DOCK5: variants seen among roughly 807,000 people sequenced by gnomAD.
The protein encoded by DOCK5 is dedicator of cytokinesis protein 5.
DOCK5 carries 142 observed loss-of-function variants against 251.8 expected under a neutral mutation model. That is an observed-to-expected ratio of 0.56 (90% CI 0.49 to 0.65). DOCK5 has a LOEUF of 0.65. Among genes scored for constraint, DOCK5 ranks in the 30% least tolerant of loss-of-function variants. The pLI is 0.00. For synonymous variants in DOCK5, 842 were observed against 835.5 expected (o/e 1.01, Z -0.13); for missense variants, 2,111 against 2,312.3 (o/e 0.91, Z 1.79).
At chr8:25,350,888 C>A (rs1335787090) in intron 26 of DOCK5, among the ~76,000 whole-genome samples, 3 of 152,108 alleles carry the variant, frequency 2.0e-5, no homozygotes, top group Admixed American at 2.0e-4. Flanking sequence ...GGGGTTAGGG[C>A]TTCACATATG....
intron 1 of DOCK5, among the ~76,000 whole-genome samples, chr8:25,198,432 C>G (rs1180349281): frequency 3.3e-5 from 5 of 152,092 alleles, no homozygotes; most frequent in Non-Finnish European, 5.9e-5. Context: ...ATTAGCTGGG[C>G]ATGGTAGTGT....
At chr8:25,300,802 A>C in intron 9 of DOCK5, 145 bp downstream of exon 9, 1 of 833,732 alleles carries the variant, frequency 1.2e-6, no homozygotes, top group Non-Finnish European at 1.8e-6. Flanking sequence ...CCATTTATTC[A>C]ACATGTACTT....
At chr8:25,236,617 G>A (rs1445651054) in intron 1 of DOCK5, among the ~76,000 whole-genome samples, 2 of 152,072 alleles carry the variant, frequency 1.3e-5, no homozygotes, top group Admixed American at 6.5e-5. Flanking sequence ...GTCTCACTCT[G>A]TTGCCCAGGC....
In DOCK5 at chr8:25,332,276, G is replaced by A; in HGVS notation, c.1929G>A (p.Trp643Ter). The A allele has an allele frequency of 6.2e-7, 1 of 1,613,494 alleles. No individual in the cohort carries two copies. The highest frequency in any genetic ancestry group is 1.1e-5 in the South Asian group (1 of 91,070). ...TTGACCTGTTAGGCTTGTTAAATTG[G>A]CGTTCCAACTCCCAGAACATTAAAC... ...QNVDLLGLLN[W>*]RSNSQNIKHN... Residue 643 changes from tryptophan to a stop codon, truncating the protein, a stop_gained, in exon 19 of 52, where the codon TGG (tryptophan) becomes TGA (stop). Transcript: ENST00000276440. LOFTEE classifies it high-confidence loss of function.
At chr8:25,190,447 A>G (rs536646018) in intron 1 of DOCK5, among the ~76,000 whole-genome samples, 36 of 152,342 alleles carry the variant, frequency 2.4e-4, no homozygotes, top group Admixed American at 2.0e-3. Context: ...TATCTGCAGT[A>G]ACCATACTAT....
At chr8:25,359,918 C>A (rs193118840) in intron 28 of DOCK5, among the ~76,000 whole-genome samples, 309 of 152,324 alleles carry the variant, frequency 2.0e-3, no homozygotes, top group African/African-American at 7.2e-3. Flanking sequence ...GTTAGGCCTC[C>A]GGCTGTGGCT....
intron 2 of DOCK5, among the ~76,000 whole-genome samples, chr8:25,264,766 G>T (rs1338833478): frequency 6.6e-6 from 1 of 152,020 alleles, no homozygotes; most frequent in East Asian, 1.9e-4. Context: ...GGAGGAGGTT[G>T]CAGTGAACCA....
chr8:25,283,414 T>G (rs1432380339), intron 5 of DOCK5, among the ~76,000 whole-genome samples: 1 of 152,168 alleles, frequency 6.6e-6, no homozygotes, highest in African/African-American at 2.4e-5. Context: ...ACTTCAAGTC[T>G]GCTGGATGTT....
chr8:25,390,304 TTAA>T lies in DOCK5; in HGVS notation c.4355+18_4355+20del. The T allele has an allele frequency of 1.3e-6, 2 of 1,513,446 alleles. No individual in the cohort carries two copies. Among genetic ancestry groups the T allele is most frequent in the Non-Finnish European group, 1.8e-6 (2 of 1,134,376 alleles). The allele number at this position is 1,513,446 out of a possible 1,614,324, so 93.8% of individuals were successfully genotyped here. On this transcript the variant is annotated intron_variant, in intron 42 of 51. Coordinates refer to ENST00000276440, the MANE Select transcript of DOCK5 (RefSeq NM_024940.8). Reference sequence around the variant, plus strand: ...GATCTTAAAGTAAGTGGTTTTTCATTTAAAAAAAAAAAAAATCTGTGTCTAGGC... The same window carrying T: ...GATCTTAAAGTAAGTGGTTTTTCATTAAAAAAAAAAAATCTGTGTCTAGGC...
intron 15 of DOCK5, among the ~76,000 whole-genome samples, chr8:25,320,327 A>C (rs1228453752): frequency 6.6e-6 from 1 of 152,232 alleles, no homozygotes; most frequent in Non-Finnish European, 1.5e-5. Flanking sequence ...ATTTAGAATT[A>C]ACCATTTTCA....
chr8:25,294,833 G>C (rs1217239822), intron 6 of DOCK5, among the ~76,000 whole-genome samples: 1 of 152,186 alleles, frequency 6.6e-6, no homozygotes, highest in African/African-American at 2.4e-5. Flanking sequence ...AAGCAAGCAC[G>C]TCTTACATGG....
intron 1 of DOCK5, among the ~76,000 whole-genome samples, chr8:25,210,375 G>A (rs1316365342): frequency 1.5e-5 from 1 of 68,324 alleles, no homozygotes; most frequent in East Asian, 3.2e-4. Context: ...GCACAGTGAT[G>A]CCATAGACAG....
At chr8:25,188,495 CA>C (rs763035361) in intron 1 of DOCK5, among the ~76,000 whole-genome samples, 45 of 152,132 alleles carry the variant, frequency 3.0e-4, no homozygotes, top group Non-Finnish European at 5.6e-4. Context: ...GCTTTGGACT[CA>C]GTATGAATTG....
At chr8:25,345,991 A>G (rs866249178) in intron 26 of DOCK5, among the ~76,000 whole-genome samples, 1 of 152,222 alleles carries the variant, frequency 6.6e-6, no homozygotes, top group South Asian at 2.1e-4. Context: ...CTGGGACTAC[A>G]GGCGCCCGCC....
chr8:25,187,200 CA>C (rs1232606220), intron 1 of DOCK5, among the ~76,000 whole-genome samples: 7 of 135,990 alleles, frequency 5.1e-5, no homozygotes, highest in Admixed American at 7.5e-5. Context: ...GACCCGATCT[CA>C]AAAAAAAAAC....
At chr8:25,340,668 T>C (rs1586343386) in intron 22 of DOCK5, among the ~76,000 whole-genome samples, 1 of 152,138 alleles carries the variant, frequency 6.6e-6, no homozygotes, top group Non-Finnish European at 1.5e-5. Context: ...AACAAATGGT[T>C]TTGTAGGCTG....
intron 1 of DOCK5, among the ~76,000 whole-genome samples, chr8:25,226,058 A>G (rs1486542495): frequency 6.6e-6 from 1 of 152,216 alleles, no homozygotes; most frequent in Non-Finnish European, 1.5e-5. Flanking sequence ...TTATTTTACA[A>G]CAATTGAAAA....
intron 18 of DOCK5, among the ~76,000 whole-genome samples, chr8:25,329,435 A>G (rs1805633571): frequency 1.3e-5 from 2 of 152,180 alleles, no homozygotes; most frequent in East Asian, 3.8e-4. Context: ...ATACAGTACT[A>G]TACAGTCTAC....
chr8:25,361,858 A>G (rs1800687789), intron 28 of DOCK5, among the ~76,000 whole-genome samples: 2 of 152,152 alleles, frequency 1.3e-5, no homozygotes, highest in Admixed American at 1.3e-4. Flanking sequence ...TAGCAATAGG[A>G]CCTGGGCCTC....
Sources: gnomAD v4.1 joint callset for allele counts (sites outside exome capture counted in the v4.1 genomes callset) on GRCh38, gnomAD v4.1.1 for gene constraint, MANE v1.5 for transcripts, NCBI Gene and HGNC (gene_info 2026-07-23, HGNC 2026-07-21) for gene names.